The following EYS variants were observed in gnomAD, a reference collection of about 807,000 sequenced individuals.
EYS encodes EGF-like photoreceptor maintenance factor.
Under a neutral mutation model 282.1 loss-of-function variants are expected in EYS, and 250 were observed. That is an observed-to-expected ratio of 0.89 (90% confidence interval 0.80 to 0.98). The LOEUF (loss-of-function observed/expected upper bound fraction) is 0.98, where lower values mean the gene tolerates loss of function less well. EYS is among the 50% of genes least tolerant of loss of function. The pLI, the probability that EYS is intolerant of heterozygous loss-of-function variation, is 0.00. For missense variants in EYS, 4,016 were observed against 3,709.0 expected (o/e 1.08, Z -2.15); for synonymous variants, 1,355 against 1,282.9 (o/e 1.06, Z -1.20).
intron 6 of EYS, among the ~76,000 whole-genome samples, chr6:65,404,718 T>A (rs891864513): frequency 2.0e-5 from 3 of 152,072 alleles, no homozygotes; most frequent in Admixed American, 6.6e-5. Context: ...GGAAAAAAAA[T>A]TCCTTTTCAG....
At chr6:65,584,391 G>A (rs892721056) in intron 2 of EYS, among the ~76,000 whole-genome samples, 4 of 152,030 alleles carry the variant, frequency 2.6e-5, no homozygotes, top group African/African-American at 7.2e-5. Context: ...AAAGAGTAAT[G>A]TCAACATTAG....
chr6:65,600,425 G>A (rs371346234), intron 2 of EYS, among the ~76,000 whole-genome samples: 1 of 151,932 alleles, frequency 6.6e-6, no homozygotes, highest in African/African-American at 2.4e-5. Context: ...TCATGGATAA[G>A]GATGGCTCTT....
intron 2 of EYS, among the ~76,000 whole-genome samples, chr6:65,535,598 G>C (rs182468972): frequency 1.3e-5 from 2 of 152,102 alleles, no homozygotes; most frequent in Non-Finnish European, 2.9e-5. Flanking sequence ...AGTAGCATGA[G>C]AACAGACTAA....
intron 28 of EYS, among the ~76,000 whole-genome samples, chr6:64,414,357 T>A (rs1195237785): frequency 6.6e-6 from 1 of 152,024 alleles, no homozygotes; most frequent in Admixed American, 6.6e-5. Flanking sequence ...TAAAATTAAG[T>A]TTGAGGGTAG....
At chr6:64,812,073 A>G (rs946912373) in intron 22 of EYS, among the ~76,000 whole-genome samples, 1 of 152,128 alleles carries the variant, frequency 6.6e-6, no homozygotes, top group Non-Finnish European at 1.5e-5. Context: ...CCAGGCAATT[A>G]TTAGGTTATA....
At chr6:65,271,128 T>C (rs1453051493) in intron 12 of EYS, among the ~76,000 whole-genome samples, 2 of 55,786 alleles carry the variant, frequency 3.6e-5, no homozygotes, top group Non-Finnish European at 7.3e-5. Flanking sequence ...AATCAATAGA[T>C]TATATATATA....
intron 10 of EYS, among the ~76,000 whole-genome samples, chr6:65,337,570 T>C (rs929349464): frequency 6.6e-6 from 1 of 151,192 alleles, no homozygotes; most frequent in Admixed American, 6.6e-5. Context: ...TTTGAGACTA[T>C]ATTGAACATA....
chr6:65,598,053 T>C (rs1765470666), intron 2 of EYS, among the ~76,000 whole-genome samples: 2 of 151,960 alleles, frequency 1.3e-5, no homozygotes, highest in African/African-American at 4.8e-5. Context: ...TGAGCTGTGA[T>C]CCGGCCACTG....
intron 31 of EYS, among the ~76,000 whole-genome samples, chr6:64,131,730 A>T (rs1773986656): frequency 1.3e-5 from 2 of 152,186 alleles, no homozygotes; most frequent in Non-Finnish European, 2.9e-5. Context: ...ACAAGTGGTG[A>T]AGTGGGAAGT....
At chr6:64,103,892 G>C (rs1046685486) in intron 31 of EYS, among the ~76,000 whole-genome samples, 3 of 152,162 alleles carry the variant, frequency 2.0e-5, no homozygotes, top group Admixed American at 2.0e-4. Flanking sequence ...AGCTAGGAGA[G>C]ACAGGACTTG....
At chr6:65,569,762 T>G (rs1316552592) in intron 2 of EYS, among the ~76,000 whole-genome samples, 4 of 152,106 alleles carry the variant, frequency 2.6e-5, no homozygotes, top group Non-Finnish European at 5.9e-5. Flanking sequence ...CAATCAGCAA[T>G]GCTCACTCCC....
At chr6:63,846,435 C>G (rs1772099417) in intron 36 of EYS, among the ~76,000 whole-genome samples, 1 of 152,122 alleles carries the variant, frequency 6.6e-6, no homozygotes, top group Non-Finnish European at 1.5e-5. Context: ...CAAAGTCTCA[C>G]TTTAACAATT....
intron 30 of EYS, among the ~76,000 whole-genome samples, chr6:64,235,059 ATTTTTATTTTTTATT>A (rs1207904863): frequency 6.8e-6 from 1 of 146,794 alleles, no homozygotes; most frequent in Admixed American, 6.9e-5. Flanking sequence ...TATTTTTTGT[ATTTTTATTTTTTATT>A]TTTTTATTTT....
intron 18 of EYS, among the ~76,000 whole-genome samples, chr6:64,888,103 TC>T (rs1480771889): frequency 2.0e-5 from 3 of 152,052 alleles, no homozygotes; most frequent in Non-Finnish European, 4.4e-5. Context: ...TTTTATTCAT[TC>T]ATCTCTTAAG....
At chr6:65,273,836 C>G (rs1169280608) in intron 12 of EYS, among the ~76,000 whole-genome samples, 2 of 152,188 alleles carry the variant, frequency 1.3e-5, no homozygotes, top group Non-Finnish European at 2.9e-5. Context: ...GTATGCGAAT[C>G]CACTGAGCCA....
At chr6:64,203,132 ATT>A (rs767285367) in intron 31 of EYS, among the ~76,000 whole-genome samples, 44 of 152,332 alleles carry the variant, frequency 2.9e-4, no homozygotes, top group South Asian at 1.0e-3. Context: ...ATTCCAGGTC[ATT>A]TGAGAGATTG....
chr6:65,587,149 T>C (rs543773777), intron 2 of EYS, among the ~76,000 whole-genome samples: 1 of 152,186 alleles, frequency 6.6e-6, no homozygotes, highest in East Asian at 1.9e-4. Flanking sequence ...GCCAGCTGTT[T>C]AGATTATAGT....
intron 12 of EYS, among the ~76,000 whole-genome samples, chr6:65,294,087 C>T (rs1396403645): frequency 6.6e-6 from 1 of 151,086 alleles, no homozygotes. Context: ...CAGGTGGAAA[C>T]GGAGAAATCA....
chr6:65,026,634 T>C (rs998786005), intron 13 of EYS, among the ~76,000 whole-genome samples: 8 of 152,074 alleles, frequency 5.3e-5, no homozygotes, highest in Admixed American at 3.9e-4. Flanking sequence ...GATTCAGATA[T>C]TGGCCGGGCA....
Sources: allele counts gnomAD v4.1 joint callset (sites outside exome capture counted in the v4.1 genomes callset), GRCh38; gene constraint gnomAD v4.1.1; transcripts MANE v1.5; gene names NCBI Gene and HGNC (gene_info 2026-07-23, HGNC 2026-07-21).